The following SCAMP1 variants were observed in gnomAD, a reference collection of about 807,000 sequenced individuals.
The protein encoded by SCAMP1 is secretory carrier membrane protein 1.
In SCAMP1, 15 loss-of-function variants were observed where a neutral mutation model predicts 41.8. The ratio of observed to expected loss-of-function variants is 0.36; its 90% CI spans 0.24 to 0.55. The LOEUF is 0.55. SCAMP1 is among the 20% of genes least tolerant of loss of function. The pLI, the probability that SCAMP1 is intolerant of heterozygous loss-of-function variation, is 0.86. For synonymous variants in SCAMP1, 135 were observed against 136.8 expected (o/e 0.99, Z 0.09); for missense variants, 341 against 412.6 (o/e 0.83, Z 1.50).
chr5:78,397,818 G>C (rs897178351), intron 2 of SCAMP1, among the ~76,000 whole-genome samples: 2 of 152,264 alleles, frequency 1.3e-5, no homozygotes, highest in East Asian at 3.9e-4. Flanking sequence ...TTTCTCCTTA[G>C]AAGATAAATG....
At chr5:78,465,556 G>T (rs971863112) in intron 8 of SCAMP1, among the ~76,000 whole-genome samples, 1 of 152,172 alleles carries the variant, frequency 6.6e-6, no homozygotes, top group Admixed American at 6.5e-5. Context: ...ACTTTCATAG[G>T]GTTGGTGTGA....
At chr5:78,395,304 C>T (rs1020099565) in intron 2 of SCAMP1, among the ~76,000 whole-genome samples, 1 of 152,158 alleles carries the variant, frequency 6.6e-6, no homozygotes, top group African/African-American at 2.4e-5. Context: ...GTCTAATTAA[C>T]TCATGAACCC....
chr5:78,467,138 G>A (rs1753768588), intron 8 of SCAMP1, among the ~76,000 whole-genome samples: 1 of 152,146 alleles, frequency 6.6e-6, no homozygotes, highest in South Asian at 2.1e-4. Context: ...TAGGAGCAAG[G>A]GAAGAACTTT....
In SCAMP1 at chr5:78,456,767, T is replaced by G. The variant is rs554534692; in HGVS notation, c.735-2478T>G. ...ATTGGGGAAGTTCTCCTGGATAATATCCTGCAGAGTGTTTTCCAACTTGGT... is the reference window on the plus strand; with the variant it reads ...ATTGGGGAAGTTCTCCTGGATAATAGCCTGCAGAGTGTTTTCCAACTTGGT... On this transcript the variant is annotated intron_variant, in intron 7 of 8. Transcript: ENST00000621999. Among the ~76,000 whole-genome samples, 168 of 143,712 alleles carry G rather than the reference T, an allele frequency of 1.2e-3. 1 individual carries two copies. The highest frequency in any genetic ancestry group is 4.3e-3 in the African/African-American group (159 of 37,074). 94.3% of individuals were successfully genotyped at this position (143,712 alleles called of 152,430 possible).
intron 6 of SCAMP1, among the ~76,000 whole-genome samples, chr5:78,428,732 T>C (rs1015826845): frequency 1.4e-4 from 22 of 152,252 alleles, no homozygotes; most frequent in African/African-American, 4.8e-4. Flanking sequence ...CCTGACAGCA[T>C]TGATTTTGTG....
chr5:78,430,554 A>T (rs1752596280), intron 6 of SCAMP1, among the ~76,000 whole-genome samples: 1 of 151,864 alleles, frequency 6.6e-6, no homozygotes, highest in South Asian at 2.1e-4. Flanking sequence ...GAAAGGTAAT[A>T]TTCTTTATAT....
chr5:78,458,458 C>T (rs1323990063), intron 7 of SCAMP1, among the ~76,000 whole-genome samples: 1 of 152,024 alleles, frequency 6.6e-6, no homozygotes, highest in Non-Finnish European at 1.5e-5. Context: ...TGTCTTTTAT[C>T]CATTTTCTTA....
intron 2 of SCAMP1, among the ~76,000 whole-genome samples, chr5:78,402,507 G>A (rs1277569490): frequency 6.6e-6 from 1 of 152,074 alleles, no homozygotes; most frequent in Non-Finnish European, 1.5e-5. Context: ...TCTGTCATTA[G>A]GTGGATGTAC....
chr5:78,415,165 G>A lies in SCAMP1; in HGVS notation c.136-355G>A, dbSNP rs912832199. ...GACGGGGTTTCACCATATTGGCCAG[G>A]CTGGTCTTGAACTCCTGACTTAGGT... On this transcript the variant is annotated intron_variant, in intron 2 of 8. Coordinates refer to ENST00000621999, the MANE Select transcript of SCAMP1 (RefSeq NM_004866.6). 2.0e-5 allele frequency among the ~76,000 whole-genome samples: 3 copies of A among 149,040 alleles called. No homozygotes were observed. In the East Asian group the frequency reaches 6.0e-4, roughly 30 times the overall value.
chr5:78,475,519 C>A lies in SCAMP1; in HGVS notation c.868C>A (p.Arg290Ser). 1 of 1,607,192 alleles carries A rather than the reference C, an allele frequency of 6.2e-7. No individual in the cohort carries two copies. The highest frequency in any genetic ancestry group is 1.1e-5 in the South Asian group (1 of 89,872). The part of the protein sequence containing the change: ...VMFKKVHGLY[R>S]TTGASFEKAQ... ...GCCTCTGTAGGTACATGGACTATAT[C>A]GCACAACAGGTGCTAGTTTTGAGAA... The change falls in exon 9 of 9, where the codon CGC becomes AGC. Residue 290 changes from arginine (R) to serine (S), a missense_variant. Transcript: ENST00000621999.
chr5:78,439,112 GCAGGTGAGATGGGTCTCCTGAATA>G (rs1752848634), intron 6 of SCAMP1, among the ~76,000 whole-genome samples: 1 of 152,162 alleles, frequency 6.6e-6, no homozygotes, highest in Non-Finnish European at 1.5e-5. Flanking sequence ...GTGTGTCTCT[GCAGGTGAGATGGGTCTCCTGAATA>G]CAGCACCCTG....
chr5:78,397,800 C>T (rs1408401223), intron 2 of SCAMP1, among the ~76,000 whole-genome samples: 4 of 152,098 alleles, frequency 2.6e-5, no homozygotes, highest in African/African-American at 9.7e-5. Context: ...TCCACATGGA[C>T]TCAGATGTTT....
intron 2 of SCAMP1, among the ~76,000 whole-genome samples, chr5:78,411,062 A>C (rs1487377457): frequency 6.6e-6 from 1 of 152,126 alleles, no homozygotes; most frequent in Non-Finnish European, 1.5e-5. Flanking sequence ...GATAGATTGC[A>C]AAAATTTTCT....
chr5:78,459,132 A>G (rs1426413777), intron 7 of SCAMP1, 113 bp from the exon 8 acceptor site: 3 of 675,982 alleles, frequency 4.4e-6, no homozygotes, highest in Non-Finnish European at 8.1e-6. Context: ...TAATACACAT[A>G]AAGAACTTGA....
chr5:78,460,800 CCTT>C (rs1561287165), intron 8 of SCAMP1, among the ~76,000 whole-genome samples: 768 of 34,220 alleles, frequency 0.022, 93 homozygotes, highest in Admixed American at 0.12. Flanking sequence ...TTCCTTCCTT[CCTT>C]CCTCCCTTCC....
At chr5:78,407,683 T>A (rs1261071722) in intron 2 of SCAMP1, among the ~76,000 whole-genome samples, 1 of 152,002 alleles carries the variant, frequency 6.6e-6, no homozygotes, top group East Asian at 1.9e-4. Flanking sequence ...TTCTCAATCA[T>A]CATGTCTTAT....
chr5:78,369,619 C>T (rs955471644), intron 1 of SCAMP1, among the ~76,000 whole-genome samples: 4 of 152,124 alleles, frequency 2.6e-5, no homozygotes, highest in East Asian at 1.9e-4. Context: ...AATGGTGCTG[C>T]GAGACTTGCT....
At chr5:78,424,938 C>T (rs548415284) in intron 6 of SCAMP1, among the ~76,000 whole-genome samples, 1 of 152,236 alleles carries the variant, frequency 6.6e-6, no homozygotes, top group South Asian at 2.1e-4. Flanking sequence ...AAAAGCTGTG[C>T]GGTTCTGAGC....
chr5:78,468,024 A>G (rs1753788591), intron 8 of SCAMP1, among the ~76,000 whole-genome samples: 1 of 152,106 alleles, frequency 6.6e-6, no homozygotes. Context: ...GGGTTTTATT[A>G]AGCTGTTCTT....
Sources: allele counts gnomAD v4.1 joint callset (sites outside exome capture counted in the v4.1 genomes callset), GRCh38; gene constraint gnomAD v4.1.1; transcripts MANE v1.5; gene names NCBI Gene and HGNC (gene_info 2026-07-23, HGNC 2026-07-21).